The following DNAH8 variants were observed in gnomAD, a reference collection of about 807,000 sequenced individuals.
DNAH8 encodes the protein axonemal beta dynein heavy chain 8.
In DNAH8, 382 loss-of-function variants were observed where a neutral mutation model predicts 562.1. That is an observed-to-expected ratio of 0.68 (90% CI 0.63 to 0.74). DNAH8 has a LOEUF of 0.74. Ranked by LOEUF, DNAH8 falls within the 30% of genes least tolerant of loss-of-function variation. The pLI is 0.00. For missense variants in DNAH8, 5,203 were observed against 5,620.4 expected, an observed-to-expected ratio of 0.93 and a Z score of 2.37; for synonymous variants, 1,881 against 1,919.4, an observed-to-expected ratio of 0.98 and a Z score of 0.52.
chr6:38,958,259 C>T (rs2150657096), intron 82 of DNAH8, among the ~76,000 whole-genome samples: 1 of 152,058 alleles, frequency 6.6e-6, no homozygotes, highest in Non-Finnish European at 1.5e-5. Flanking sequence ...CCCACCTCAG[C>T]CTCCCAAAGT....
chr6:38,979,497 C>A (rs920588037), intron 85 of DNAH8, among the ~76,000 whole-genome samples: 1 of 151,972 alleles, frequency 6.6e-6, no homozygotes, highest in African/African-American at 2.4e-5. Context: ...TGATAGTATT[C>A]CAAGGTAATT....
At chr6:38,800,249 T>A in intron 21 of DNAH8, among the ~76,000 whole-genome samples, 1 of 152,136 alleles carries the variant, frequency 6.6e-6, no homozygotes, top group Admixed American at 6.6e-5. Flanking sequence ...TTCATTTCTC[T>A]TGGGTATGTA....
intron 57 of DNAH8, among the ~76,000 whole-genome samples, chr6:38,888,048 G>A (rs977961876): frequency 6.6e-6 from 1 of 151,544 alleles, no homozygotes; most frequent in African/African-American, 2.4e-5. Flanking sequence ...CACATTGACA[G>A]GGTTGGTCTC....
intron 52 of DNAH8, among the ~76,000 whole-genome samples, chr6:38,874,098 C>A (rs866064727): frequency 1.6e-5 from 1 of 63,334 alleles, no homozygotes; most frequent in Non-Finnish European, 3.2e-5. Context: ...CTTTCTTTCT[C>A]TTTCTCCTTC....
chr6:38,785,556 T>C (rs1769070936), intron 17 of DNAH8, among the ~76,000 whole-genome samples: 1 of 152,180 alleles, frequency 6.6e-6, no homozygotes, highest in South Asian at 2.1e-4. Context: ...CTGGGATTTC[T>C]GCACCTGTCC....
At chr6:38,768,560 C>T (rs1738268) in intron 11 of DNAH8, among the ~76,000 whole-genome samples, 15,129 of 149,802 alleles carry the variant, frequency 0.1, 1,383 homozygotes, top group East Asian at 0.44. Flanking sequence ...CCACCACACC[C>T]GGCCTGTTTA....
chr6:38,811,338 T>C (rs1398875487), intron 24 of DNAH8, among the ~76,000 whole-genome samples: 1 of 152,224 alleles, frequency 6.6e-6, no homozygotes, highest in Non-Finnish European at 1.5e-5. Context: ...AATCTGGAAC[T>C]GTCCTGGGCA....
At chr6:38,972,508 C>G (rs140238796) in intron 83 of DNAH8, among the ~76,000 whole-genome samples, 4 of 152,066 alleles carry the variant, frequency 2.6e-5, no homozygotes, top group Non-Finnish European at 5.9e-5. Context: ...TATTTTTACT[C>G]GGATCAAATG....
At chr6:38,851,897 G>A (rs921194948) in intron 39 of DNAH8, among the ~76,000 whole-genome samples, 1 of 152,174 alleles carries the variant, frequency 6.6e-6, no homozygotes, top group Non-Finnish European at 1.5e-5. Context: ...CTAGCTGTGT[G>A]ATCTTGGCAG....
At chr6:38,764,472 A>T (rs1438845074) in intron 11 of DNAH8, 1 of 152,302 alleles carries the variant, frequency 6.6e-6, no homozygotes, top group Non-Finnish European at 1.5e-5. Flanking sequence ...CAAAAAAAAG[A>T]TGACAAAAAA....
Position 38,741,788 on chromosome 6 carries a change from C to T in DNAH8, c.1194C>T (p.Arg398=). ...TCACTGAATTGGAACACTGGAAACG[C>T]ATGTCAGCCAAGTTCAACTATATCA... ...GPLTELEHWK[R]MSAKFNYIIE... Residue 398 remains arginine, a synonymous_variant, in exon 8 of 93, where the codon CGC becomes CGT. Coordinates refer to ENST00000327475, the MANE Select transcript of DNAH8 (RefSeq NM_001206927.2). 1.2e-6 allele frequency: 2 copies of T among 1,614,048 alleles called. No homozygotes were observed. The highest frequency in any genetic ancestry group is 1.7e-6 in the Non-Finnish European group (2 of 1,179,964).
chr6:38,858,380 G>A (rs999306786), intron 42 of DNAH8, among the ~76,000 whole-genome samples: 13 of 152,118 alleles, frequency 8.5e-5, no homozygotes, highest in Non-Finnish European at 7.4e-5. Context: ...ATTCATGCAG[G>A]TTGGGTCCTG....
At chr6:38,787,900 G>A (rs1425637278) in intron 18 of DNAH8, among the ~76,000 whole-genome samples, 2 of 152,066 alleles carry the variant, frequency 1.3e-5, no homozygotes, top group African/African-American at 4.8e-5. Flanking sequence ...TTCTTGGCAG[G>A]CTGTGGACAT....
intron 9 of DNAH8, 64 bp from the exon 10 acceptor site, chr6:38,755,908 T>C: frequency 4.2e-6 from 4 of 943,224 alleles, no homozygotes; most frequent in Non-Finnish European, 6.8e-6. Context: ...TTGAGTATTA[T>C]AGAATATTGG....
chr6:38,910,463 T>A (rs1780804814), intron 65 of DNAH8, among the ~76,000 whole-genome samples: 1 of 152,240 alleles, frequency 6.6e-6, no homozygotes, highest in African/African-American at 2.4e-5. Context: ...GTTTATTTAT[T>A]CCATACCTTT....
At chr6:38,723,515 A>G (rs1335666714) in intron 3 of DNAH8, 44 bp downstream of exon 3, 4 of 1,569,536 alleles carry the variant, frequency 2.5e-6, no homozygotes, top group South Asian at 1.2e-5. Context: ...CCCTTTGAGT[A>G]AGTGATTAAC....
chr6:39,023,072 T>C (rs1307564465), intron 91 of DNAH8, among the ~76,000 whole-genome samples: 1 of 152,214 alleles, frequency 6.6e-6, no homozygotes, highest in African/African-American at 2.4e-5. Context: ...TCATGAAGAA[T>C]AGAAGGTTAC....
chr6:38,963,701 T>TTA (rs1561920818), intron 82 of DNAH8, among the ~76,000 whole-genome samples: 1 of 75,878 alleles, frequency 1.3e-5, no homozygotes, highest in African/African-American at 5.1e-5. Flanking sequence ...TTTTTTTTTT[T>TTA]AAATTTATTT....
chr6:38,908,725 G>A (rs1669357562), intron 64 of DNAH8, among the ~76,000 whole-genome samples: 1 of 152,042 alleles, frequency 6.6e-6, no homozygotes, highest in Admixed American at 6.6e-5. Context: ...GTTAATTTTT[G>A]TATTTTTTGT....
Sources: gnomAD v4.1 joint callset for allele counts (sites outside exome capture counted in the v4.1 genomes callset) on GRCh38, gnomAD v4.1.1 for gene constraint, MANE v1.5 for transcripts, NCBI Gene and HGNC (gene_info 2026-07-23, HGNC 2026-07-21) for gene names.